Variants in CNR1 observed in about 807,000 individuals in gnomAD.
CNR1 encodes cannabinoid receptor 1 (brain).
CNR1 carries 10 observed loss-of-function variants against 23.0 expected under a neutral mutation model. The observed-to-expected ratio is 0.43, with a 90% CI of 0.27 to 0.74. The LOEUF (loss-of-function observed/expected upper bound fraction) is 0.74, where lower values mean the gene tolerates loss of function less well. CNR1 is among the 30% of genes least tolerant of loss of function. CNR1 has a pLI of 0.19. For missense variants in CNR1, 422 were observed against 618.8 expected, an observed-to-expected ratio of 0.68 and a Z score of 3.37; for synonymous variants, 271 against 255.2, an observed-to-expected ratio of 1.06 and a Z score of -0.59.
chr6:88,164,572 G>A (rs1234368080), intron 1 of CNR1, among the ~76,000 whole-genome samples: 1 of 152,186 alleles, frequency 6.6e-6, no homozygotes, highest in Non-Finnish European at 1.5e-5. Flanking sequence ...TAGAGAGCGG[G>A]GGAGGGGGAG....
chr6:88,140,418 T>A lies in CNR1; in HGVS notation c.*3438A>T, dbSNP rs973921719. The A allele has an allele frequency of 6.5e-6, 1 of 152,794 alleles. No individual in the cohort carries two copies. The highest frequency in any genetic ancestry group is 1.5e-5 in the Non-Finnish European group (1 of 68,032). The allele number at this position is 152,794 out of a possible 1,614,324, so 9.5% of individuals were successfully genotyped here. On this transcript the variant is annotated 3_prime_UTR_variant, in exon 2 of 2. Transcript: ENST00000369501. ...TGATTTGTAGGCCACTGCTCAAACA[T>A]CTGACTTTTTAGAAACCTATTTACA...
In CNR1 at chr6:88,141,300, G is replaced by A. The variant is rs771797176; in HGVS notation, c.*2556C>T. The A allele has an allele frequency of 1.3e-5, 2 of 152,696 alleles. No homozygotes were observed. The highest frequency in any genetic ancestry group is 2.9e-5 in the Non-Finnish European group (2 of 68,030). The allele number at this position is 152,696 out of a possible 1,614,324, so 9.5% of individuals were successfully genotyped here. On this transcript the variant is annotated 3_prime_UTR_variant, in exon 2 of 2. Transcript: ENST00000369501. ...TTTAAATGAAGGTTGTATAACATACGTGATGATATTTCACAGATATTTCTT... is the reference window on the plus strand; with the variant it reads ...TTTAAATGAAGGTTGTATAACATACATGATGATATTTCACAGATATTTCTT...
chr6:88,151,633 C>T (rs770657820), intron 1 of CNR1, among the ~76,000 whole-genome samples: 5 of 151,606 alleles, frequency 3.3e-5, no homozygotes, highest in Non-Finnish European at 7.4e-5. Context: ...TATTATGGCT[C>T]TTTGCTATAT....
intron 1 of CNR1, among the ~76,000 whole-genome samples, chr6:88,151,694 C>G (rs1777530732): frequency 6.6e-6 from 1 of 151,280 alleles, no homozygotes; most frequent in African/African-American, 2.4e-5. Context: ...ATAATACATA[C>G]TAATTATATC....
intron 1 of CNR1, among the ~76,000 whole-genome samples, chr6:88,148,241 T>C (rs187857019): frequency 2.2e-4 from 34 of 152,312 alleles, no homozygotes; most frequent in African/African-American, 7.7e-4. Flanking sequence ...CTGCTTCCCA[T>C]GGCGATGAAC....
At chr6:88,146,267 G>A (rs374999900) in intron 1 of CNR1, among the ~76,000 whole-genome samples, 2 of 151,968 alleles carry the variant, frequency 1.3e-5, no homozygotes, top group Admixed American at 6.6e-5. Context: ...CACCATGCCC[G>A]GCTAATTTTT....
At position 88,145,417 on chromosome 6, in the gene CNR1, A is replaced by C. The variant is rs142910458; in HGVS notation, c.-63-80T>G. 199 of 674,424 alleles carry C rather than the reference A, an allele frequency of 3.0e-4. 1 individual carries two copies. In the African/African-American group the frequency reaches 3.1e-3, roughly 11 times the overall value. 41.8% of individuals were successfully genotyped at this position (674,424 alleles called of 1,614,324 possible). ...CAAAGAGACACTGTAAATGTGGCAA[A>C]TGTACTGTCATGGCAACTCATTCCT... On this transcript the variant is annotated intron_variant, in intron 1 of 1. Coordinates refer to ENST00000369501, the MANE Select transcript of CNR1 (RefSeq NM_016083.6).
intron 1 of CNR1, among the ~76,000 whole-genome samples, chr6:88,155,260 C>G (rs1683036108): frequency 6.6e-6 from 1 of 152,198 alleles, no homozygotes; most frequent in Non-Finnish European, 1.5e-5. Flanking sequence ...TCTCCAGATT[C>G]AAATCTGAGA....
chr6:88,140,138 C>T lies in CNR1; in HGVS notation c.*3718G>A, dbSNP rs568803052. On this transcript the variant is annotated 3_prime_UTR_variant, in exon 2 of 2. Transcript: ENST00000369501. ...AACGAAGATATTGCAGTGGTTGCAA[C>T]GATGTTACCAGCTCAACAAACATCT... 2.0e-5 allele frequency: 3 copies of T among 152,760 alleles called. No homozygotes were observed. Among genetic ancestry groups the T allele is most frequent in the East Asian group, 1.9e-4 (1 of 5,326 alleles). The allele number at this position is 152,760 out of a possible 1,614,324, so 9.5% of individuals were successfully genotyped here. A position where few individuals can be genotyped will look rare whatever the true frequency, so the allele number is the denominator to read the frequency against.
rs921288861 is a variant in CNR1, at chr6:88,143,227, A to G, written c.*629T>C. The G allele has an allele frequency of 6.6e-6, 1 of 152,592 alleles. No homozygotes were observed. The highest frequency in any genetic ancestry group is 6.5e-5 in the Admixed American group (1 of 15,294). The allele number at this position is 152,592 out of a possible 1,614,324, so 9.5% of individuals were successfully genotyped here. ...CCTTTACGGTTATTTCAGTGTCAAA[A>G]TTAAATAGAGATATTTGAAGAAATA... is the stretch of plus-strand genomic sequence containing the variant. On this transcript the variant is annotated 3_prime_UTR_variant, in exon 2 of 2. Coordinates refer to ENST00000369501, the MANE Select transcript of CNR1 (RefSeq NM_016083.6).
At chr6:88,160,435 C>CTTT (rs1220920560) in intron 1 of CNR1, among the ~76,000 whole-genome samples, 1 of 135,176 alleles carries the variant, frequency 7.4e-6, no homozygotes, top group Non-Finnish European at 1.6e-5. Context: ...TTTTTCTTTT[C>CTTT]TTTTTTTTTT....
chr6:88,144,399 A>G lies in CNR1; in HGVS notation c.876T>C (p.Tyr292=), dbSNP rs758219415. 3 of 1,613,980 alleles carry G rather than the reference A, an allele frequency of 1.9e-6. No individual in the cohort carries two copies. Among genetic ancestry groups the G allele is most frequent in the African/African-American group, 2.7e-5 (2 of 74,934 alleles). ...VTSVLLLFIV[Y]AYMYILWKAH... ...CCTTCCAGAGAATATACATGTACGCATACACGATGAACAGAAGCAGTACGC... is the reference window on the plus strand; with the variant it reads ...CCTTCCAGAGAATATACATGTACGCGTACACGATGAACAGAAGCAGTACGC... Residue 292 remains tyrosine, a synonymous_variant, in exon 2 of 2, where the codon TAT becomes TAC. Transcript: ENST00000369501. This position sits in a 1 kb window ranked among gnomAD's most constrained non-coding sequence, Gnocchi z 7.8.
chr6:88,151,496 G>A (rs750839525), intron 1 of CNR1, among the ~76,000 whole-genome samples: 3 of 152,176 alleles, frequency 2.0e-5, no homozygotes, highest in South Asian at 2.1e-4. Flanking sequence ...AAATGGGGAT[G>A]AGGATGATGA....
intron 1 of CNR1, among the ~76,000 whole-genome samples, chr6:88,163,653 T>G (rs1374333615): frequency 1.3e-5 from 2 of 152,216 alleles, no homozygotes; most frequent in Non-Finnish European, 2.9e-5. Flanking sequence ...ACACAATCAA[T>G]GGGGCTGCTT....
Position 88,144,061 on chromosome 6 carries a change from C to A in CNR1, c.1214G>T (p.Arg405Leu). 1 of 1,613,992 alleles carries A rather than the reference C, an allele frequency of 6.2e-7. No homozygotes were observed. The highest frequency in any genetic ancestry group is 8.5e-7 in the Non-Finnish European group (1 of 1,180,008). Reference protein sequence around the residue: ...IIYALRSKDLRHAFRSMFPSC... With the variant: ...IIYALRSKDLLHAFRSMFPSC... ...GGGAAACATGCTCCGGAAAGCGTGT[C>A]GCAGGTCCTTACTCCTCAGAGCATA... is the stretch of plus-strand genomic sequence containing the variant. The change falls in exon 2 of 2, where the codon CGA becomes CTA. Residue 405 changes from arginine to leucine, a missense_variant. By Grantham distance (102) the Arg-to-Leu change is moderately radical. This residue lies in a region of CNR1 where 79 missense variants were observed against 98.0 expected (regional missense o/e 0.81). Coordinates refer to ENST00000369501, the MANE Select transcript of CNR1 (RefSeq NM_016083.6). This position sits in a 1 kb window ranked among gnomAD's most constrained non-coding sequence, Gnocchi z 7.8.
chr6:88,154,788 G>A (rs1373839257), intron 1 of CNR1, among the ~76,000 whole-genome samples: 2 of 151,984 alleles, frequency 1.3e-5, no homozygotes, highest in East Asian at 1.9e-4. Flanking sequence ...AATATTTGCT[G>A]GGCCGGCCTT....
In CNR1 at chr6:88,143,783, G is replaced by A. The variant is rs755397758; in HGVS notation, c.*73C>T. Reference sequence around the variant, plus strand: ...AAAGTTAAAAAAATATAACCAAGGAGACAATAGACTCTTCTAGATTTTGAG... The same window carrying A: ...AAAGTTAAAAAAATATAACCAAGGAAACAATAGACTCTTCTAGATTTTGAG... On this transcript the variant is annotated 3_prime_UTR_variant, in exon 2 of 2. Transcript: ENST00000369501. The A allele has an allele frequency of 9.4e-7, 1 of 1,059,768 alleles. No individual in the cohort carries two copies. The highest frequency in any genetic ancestry group is 1.4e-6 in the Non-Finnish European group (1 of 715,188). The allele number at this position is 1,059,768 out of a possible 1,614,324, so 65.6% of individuals were successfully genotyped here.
chr6:88,142,792 C>T lies in CNR1; in HGVS notation c.*1064G>A, dbSNP rs1776897265. ...ACACATTTATATTCACACTCACACA[C>T]AGTATAATTTTACTGATCCAGACAC... On this transcript the variant is annotated 3_prime_UTR_variant, in exon 2 of 2. Transcript: ENST00000369501. 1 of 152,486 alleles carries T rather than the reference C, an allele frequency of 6.6e-6. No homozygotes were observed. The highest frequency in any genetic ancestry group is 2.1e-4 in the South Asian group (1 of 4,812). The allele number at this position is 152,486 out of a possible 1,614,324, so 9.4% of individuals were successfully genotyped here.
intron 1 of CNR1, among the ~76,000 whole-genome samples, chr6:88,164,969 C>G (rs548966873): frequency 6.6e-6 from 1 of 152,202 alleles, no homozygotes; most frequent in Admixed American, 6.5e-5. Context: ...AAATCAACAA[C>G]AAAGGCAAGA....
Sources: allele counts gnomAD v4.1 joint callset (sites outside exome capture counted in the v4.1 genomes callset), GRCh38; gene constraint gnomAD v4.1.1; regional missense constraint gnomAD v4.1.1; non-coding constraint Gnocchi (gnomAD v3.1); transcripts MANE v1.5; gene names NCBI Gene and HGNC (gene_info 2026-07-23, HGNC 2026-07-21).